Variants in NUP107 observed in about 807,000 individuals in gnomAD.
The protein encoded by NUP107 is nucleoporin 107, also known as nuclear pore complex protein Nup107.
Under a neutral mutation model 141.0 loss-of-function variants are expected in NUP107, and 101 were observed. The observed-to-expected ratio is 0.72, with a 90% CI of 0.61 to 0.84. The LOEUF (loss-of-function observed/expected upper bound fraction) is 0.84, where lower values mean the gene tolerates loss of function less well. NUP107 is among the 40% of genes least tolerant of loss of function. The pLI, the probability that NUP107 is intolerant of heterozygous loss-of-function variation, is 0.00. For missense variants in NUP107, 941 were observed against 1,102.7 expected, an observed-to-expected ratio of 0.85 and a Z score of 2.08; for synonymous variants, 319 against 363.9, an observed-to-expected ratio of 0.88 and a Z score of 1.41.
chr12:68,704,389 T>G (rs1565690399), intron 8 of NUP107, among the ~76,000 whole-genome samples: 1 of 152,200 alleles, frequency 6.6e-6, no homozygotes, highest in Non-Finnish European at 1.5e-5. Context: ...ATATGCCTGT[T>G]AAATCATCAA....
chr12:68,715,560 T>A, intron 11 of NUP107, 67 bp from the exon 12 acceptor site: 1 of 814,278 alleles, frequency 1.2e-6, no homozygotes, highest in Non-Finnish European at 2.1e-6. Context: ...CATCTCTTGA[T>A]GATGTGTAAA....
chr12:68,710,120 G>T (rs2136018210), intron 10 of NUP107, 27 bp downstream of exon 10: 3 of 1,142,884 alleles, frequency 2.6e-6, no homozygotes, highest in Middle Eastern at 2.7e-4. Flanking sequence ...TAATTCTTAA[G>T]GTCACTCAAT....
chr12:68,727,685 A>G (rs1167548821), intron 20 of NUP107, among the ~76,000 whole-genome samples: 2 of 152,208 alleles, frequency 1.3e-5, no homozygotes, highest in African/African-American at 2.4e-5. Flanking sequence ...CACATTTTGT[A>G]TATTACATGT....
At chr12:68,715,364 T>G (rs1877054297) in intron 11 of NUP107, among the ~76,000 whole-genome samples, 1 of 152,040 alleles carries the variant, frequency 6.6e-6, no homozygotes, top group South Asian at 2.1e-4. Flanking sequence ...CGTGGTGGCG[T>G]GCACCTATAA....
At chr12:68,714,085 A>G (rs1026424766) in intron 11 of NUP107, 7 of 344,810 alleles carry the variant, frequency 2.0e-5, no homozygotes, top group African/African-American at 1.1e-4. Flanking sequence ...TTGACTGCCT[A>G]TATAAGGTAG....
At chr12:68,701,696 TTAAATAAA>T (rs777082210) in intron 7 of NUP107, among the ~76,000 whole-genome samples, 1 of 151,782 alleles carries the variant, frequency 6.6e-6, no homozygotes, top group Non-Finnish European at 1.5e-5. Context: ...AAATAATAAT[TTAAATAAA>T]TAAATAAATA....
chr12:68,734,446 T>A (rs1592522581), intron 24 of NUP107, among the ~76,000 whole-genome samples: 1 of 152,196 alleles, frequency 6.6e-6, no homozygotes, highest in South Asian at 2.1e-4. Context: ...TACAGAGCGA[T>A]GAATGTCAAG....
intron 26 of NUP107, chr12:68,739,900 C>G (rs935722221): frequency 1.3e-5 from 2 of 151,782 alleles, no homozygotes; most frequent in East Asian, 3.9e-4. Context: ...ACATATTTAC[C>G]GGCTATTTCA....
In NUP107 at chr12:68,696,863, C is replaced by T. The variant is rs1424656572; in HGVS notation, c.493C>T (p.His165Tyr). 6.2e-7 allele frequency: 1 copy of T among 1,609,186 alleles called. No individual in the cohort carries two copies. Reference sequence around the variant, plus strand: ...TGATTTCCTGCAGTCTTTTCTGAAGCACTCTTCGAGTACAGTTTTTGATCT... The same window carrying T: ...TGATTTCCTGCAGTCTTTTCTGAAGTACTCTTCGAGTACAGTTTTTGATCT... Reference protein sequence around the residue: ...FSDFLQSFLKHSSSTVFDLVE... With the variant: ...FSDFLQSFLKYSSSTVFDLVE... Residue 165 changes from histidine to tyrosine, a missense_variant, in exon 6 of 28, where the codon CAC (histidine) becomes TAC (tyrosine). Coordinates refer to ENST00000229179, the MANE Select transcript of NUP107 (RefSeq NM_020401.4).
At chr12:68,733,687 T>G in intron 24 of NUP107, 75 bp downstream of exon 24, 1 of 1,471,434 alleles carries the variant, frequency 6.8e-7, no homozygotes, top group Middle Eastern at 1.8e-4. Flanking sequence ...AGTTTGAACT[T>G]TTTTCTAGAA....
At chr12:68,722,007 T>A in intron 16 of NUP107, 21 bp downstream of exon 16, 2 of 1,613,152 alleles carry the variant, frequency 1.2e-6, no homozygotes, top group Non-Finnish European at 1.7e-6. Context: ...TGGATTGTTT[T>A]GAGTCATGGT....
At chr12:68,703,032 A>C (rs1272454442) in intron 8 of NUP107, among the ~76,000 whole-genome samples, 1 of 151,582 alleles carries the variant, frequency 6.6e-6, no homozygotes, top group Admixed American at 6.6e-5. Flanking sequence ...TTTAATAGCA[A>C]ACGGGGTTTC....
chr12:68,687,456 A>T (rs1020203833), intron 1 of NUP107: 64 of 1,065,952 alleles, frequency 6.0e-5, no homozygotes, highest in Non-Finnish European at 6.7e-5. Context: ...TCTGATTACA[A>T]GTGCCAGCAT....
intron 11 of NUP107, among the ~76,000 whole-genome samples, chr12:68,715,142 AT>A (rs965635125): frequency 2.6e-5 from 4 of 152,210 alleles, no homozygotes; most frequent in African/African-American, 9.7e-5. Context: ...CTATGTGGCT[AT>A]TTGGAACACT....
intron 26 of NUP107, 82 bp downstream of exon 26, chr12:68,735,426 A>C (rs1177064625): frequency 3.2e-6 from 3 of 942,002 alleles, no homozygotes; most frequent in Non-Finnish European, 5.2e-6. Context: ...TCTAAATGGG[A>C]GCATCTACAG....
At chr12:68,695,489 A>G (rs921176175) in intron 5 of NUP107, among the ~76,000 whole-genome samples, 7 of 152,324 alleles carry the variant, frequency 4.6e-5, no homozygotes, top group Middle Eastern at 3.4e-3. Context: ...CCTTGAGAAC[A>G]TTATGCTAAG....
intron 11 of NUP107, chr12:68,714,048 A>G: frequency 4.6e-6 from 2 of 439,120 alleles, no homozygotes; most frequent in Non-Finnish European, 4.0e-6. Flanking sequence ...CATTAAAAAC[A>G]AATTAATTTT....
Position 68,700,734 on chromosome 12 carries a change from A to T in NUP107, c.561A>T (p.Ile187=). The T allele has an allele frequency of 6.2e-6, 10 of 1,600,698 alleles. No homozygotes were observed. The highest frequency in any genetic ancestry group is 7.7e-6 in the Non-Finnish European group (9 of 1,176,230). Reference sequence around the variant, plus strand: ...CTGTGTTTTTTATTCAGGTGAATATACTGAGTAAAATAGTGAGTCGAGCAA... The same window carrying T: ...CTGTGTTTTTTATTCAGGTGAATATTCTGAGTAAAATAGTGAGTCGAGCAA... The part of the protein sequence containing the change: ...YENICGSQVN[I]LSKIVSRATP... The change falls in exon 7 of 28, where the codon ATA becomes ATT. Residue 187 remains isoleucine, a synonymous_variant. Coordinates refer to ENST00000229179, the MANE Select transcript of NUP107 (RefSeq NM_020401.4).
intron 10 of NUP107, among the ~76,000 whole-genome samples, chr12:68,712,949 G>C (rs970473191): frequency 6.6e-6 from 1 of 152,004 alleles, no homozygotes; most frequent in Non-Finnish European, 1.5e-5. Flanking sequence ...AAACCATAAA[G>C]CTTTTAAAGA....
Sources: gnomAD v4.1 joint callset for allele counts (sites outside exome capture counted in the v4.1 genomes callset) on GRCh38, gnomAD v4.1.1 for gene constraint, MANE v1.5 for transcripts, NCBI Gene and HGNC (gene_info 2026-07-23, HGNC 2026-07-21) for gene names.